The following ESRRG variants were observed in gnomAD, a reference collection of about 807,000 sequenced individuals.
ESRRG encodes the protein estrogen related receptor gamma.
Under a neutral mutation model 44.0 loss-of-function variants are expected in ESRRG, and 13 were observed. That is an observed-to-expected ratio of 0.30 (90% CI 0.19 to 0.47). ESRRG has a LOEUF of 0.47. Ranked by LOEUF, ESRRG falls within the 20% of genes least tolerant of loss-of-function variation. ESRRG has a pLI of 1.00. For missense variants in ESRRG, 395 were observed against 580.6 expected (o/e 0.68, Z 3.29); for synonymous variants, 215 against 214.6 (o/e 1.00, Z -0.02).
At chr1:216,703,800 A>G (rs1294114339) in intron 1 of ESRRG, among the ~76,000 whole-genome samples, 1 of 151,816 alleles carries the variant, frequency 6.6e-6, no homozygotes, top group Non-Finnish European at 1.5e-5. Flanking sequence ...TGTAGAGCCA[A>G]AAAAGAATGG....
intron 2 of ESRRG, among the ~76,000 whole-genome samples, chr1:216,730,184 C>T (rs1008338232): frequency 6.6e-6 from 1 of 151,670 alleles, no homozygotes. Context: ...AGAACTCCGA[C>T]AGAGATCTGA....
intron 3 of ESRRG, among the ~76,000 whole-genome samples, chr1:216,612,359 G>C (rs1173807422): frequency 1.3e-5 from 2 of 152,012 alleles, no homozygotes; most frequent in Non-Finnish European, 2.9e-5. Context: ...GGAGGAAGGA[G>C]GGAAGGAAGG....
Position 217,087,794 on chromosome 1 carries a change from C to T in ESRRG, c.-106+1713G>A, listed in dbSNP as rs12567518. On this transcript the variant is annotated intron_variant, in intron 1 of 7. Transcript: ENST00000359162. ...CTTTAGTAAGAATAACAAAGCCATG[C>T]GTAACAGACAAATGTACGCTTAAAT... is the stretch of plus-strand genomic sequence containing the variant. Among the ~76,000 whole-genome samples, 403 of 152,250 alleles carry T rather than the reference C, an allele frequency of 2.6e-3. 18 individuals carry two copies. In the East Asian group the frequency reaches 0.063, roughly 24 times the overall value.
chr1:216,653,648 T>G (rs914596716), intron 2 of ESRRG, among the ~76,000 whole-genome samples: 4 of 152,198 alleles, frequency 2.6e-5, no homozygotes, highest in African/African-American at 9.7e-5. Context: ...CATCCCAATC[T>G]TTCATGAAAA....
rs181766165 is a variant in ESRRG at position 216,719,316 on chromosome 1, A to G, written c.56+3928T>C. ...GCAAAAGTATGGCCCGGCTAATGAG[A>G]TGGTCCTTATCTTTTCTCAGCCAGG... On this transcript the variant is annotated intron_variant, in intron 1 of 6. Transcript: ENST00000408911. 2.0e-5 allele frequency among the ~76,000 whole-genome samples: 3 copies of G among 152,108 alleles called. No individual in the cohort carries two copies. The East Asian group carries it at 5.8e-4, about 29-fold the overall frequency.
chr1:217,088,187 T>C (rs1223030613), intron 1 of ESRRG, among the ~76,000 whole-genome samples: 1 of 152,122 alleles, frequency 6.6e-6, no homozygotes, highest in East Asian at 1.9e-4. Flanking sequence ...ACTCCCCTAT[T>C]TGGTCTTTGG....
At chr1:217,023,332 G>C (rs758897713) in intron 1 of ESRRG, among the ~76,000 whole-genome samples, 7 of 152,126 alleles carry the variant, frequency 4.6e-5, no homozygotes, top group African/African-American at 1.4e-4. Context: ...GACACCAGGA[G>C]GAGGGTTCCC....
intron 2 of ESRRG, among the ~76,000 whole-genome samples, chr1:216,910,986 C>A (rs1316164784): frequency 6.6e-6 from 1 of 152,092 alleles, no homozygotes; most frequent in Non-Finnish European, 1.5e-5. Flanking sequence ...TAGTAGTAAT[C>A]ATTTATTGAA....
chr1:216,643,770 GAA>G (rs1303757524), intron 3 of ESRRG, among the ~76,000 whole-genome samples: 1 of 152,130 alleles, frequency 6.6e-6, no homozygotes, highest in Non-Finnish European at 1.5e-5. Flanking sequence ...GAATCCTAAG[GAA>G]AAGTCACCTC....
At chr1:216,880,426 T>A (rs1050946205) in intron 2 of ESRRG, among the ~76,000 whole-genome samples, 1 of 151,574 alleles carries the variant, frequency 6.6e-6, no homozygotes, top group South Asian at 2.1e-4. Context: ...TAATTTTGTC[T>A]AGCATTTATC....
At chr1:217,049,942 G>A (rs927076964) in intron 1 of ESRRG, among the ~76,000 whole-genome samples, 1 of 152,224 alleles carries the variant, frequency 6.6e-6, no homozygotes, top group Non-Finnish European at 1.5e-5. Context: ...AGACACAGAT[G>A]CCATCATTCT....
intron 2 of ESRRG, among the ~76,000 whole-genome samples, chr1:216,755,417 T>C (rs560197679): frequency 3.9e-4 from 60 of 151,966 alleles, no homozygotes; most frequent in Non-Finnish European, 7.8e-4. Context: ...GAGCATTTGG[T>C]TAAATAAATG....
chr1:217,014,124 C>A (rs1312235389), intron 1 of ESRRG, among the ~76,000 whole-genome samples: 1 of 151,916 alleles, frequency 6.6e-6, no homozygotes, highest in Non-Finnish European at 1.5e-5. Context: ...TTTGTGACTG[C>A]TGTGGGTGTT....
chr1:216,696,693 C>T (rs1272233272), intron 1 of ESRRG, among the ~76,000 whole-genome samples: 1 of 152,074 alleles, frequency 6.6e-6, no homozygotes, highest in African/African-American at 2.4e-5. Context: ...GAGAAGCTGA[C>T]TTATTTCACA....
At chr1:216,982,720 C>G (rs1212456704) in intron 1 of ESRRG, among the ~76,000 whole-genome samples, 2 of 152,154 alleles carry the variant, frequency 1.3e-5, no homozygotes. Flanking sequence ...AGCAAGAAAA[C>G]TATAAAGGAG....
At chr1:216,729,259 A>G (rs969544095) in intron 2 of ESRRG, among the ~76,000 whole-genome samples, 2 of 152,228 alleles carry the variant, frequency 1.3e-5, no homozygotes, top group African/African-American at 4.8e-5. Flanking sequence ...TTGTCCTAGC[A>G]TAACAATTTA....
intron 2 of ESRRG, among the ~76,000 whole-genome samples, chr1:216,766,655 T>C (rs1016639523): frequency 6.6e-6 from 1 of 152,140 alleles, no homozygotes; most frequent in African/African-American, 2.4e-5. Context: ...ATATCTGATG[T>C]GATGGCAACA....
chr1:216,931,642 C>A (rs1216566402), intron 2 of ESRRG, among the ~76,000 whole-genome samples: 1 of 152,132 alleles, frequency 6.6e-6, no homozygotes, highest in Non-Finnish European at 1.5e-5. Context: ...GGACTCTGAA[C>A]ACCCTTGGTT....
chr1:216,800,804 T>C (rs940360563), intron 2 of ESRRG, among the ~76,000 whole-genome samples: 1 of 152,136 alleles, frequency 6.6e-6, no homozygotes, highest in Admixed American at 6.6e-5. Context: ...GTTCATGTAT[T>C]AAAGGCTTAT....
Sources: gnomAD v4.1 joint callset for allele counts (sites outside exome capture counted in the v4.1 genomes callset) on GRCh38, gnomAD v4.1.1 for gene constraint, MANE v1.5 for transcripts, NCBI Gene and HGNC (gene_info 2026-07-23, HGNC 2026-07-21) for gene names.